Variants in TUT1 observed in about 807,000 individuals in gnomAD.
TUT1 encodes the protein speckle targeted PIP5K1A-regulated poly(A) polymerase.
TUT1 carries 26 observed loss-of-function variants against 48.8 expected under a neutral mutation model. The ratio of observed to expected loss-of-function variants is 0.53; its 90% CI spans 0.39 to 0.74. The LOEUF is 0.74. TUT1 is among the 30% of genes least tolerant of loss of function. The probability of loss-of-function intolerance (pLI) is 0.00; values close to 1 mark genes in which losing one functional copy is unlikely to be tolerated. For missense variants in TUT1, 1,065 were observed against 1,114.8 expected, an observed-to-expected ratio of 0.96 and a Z score of 0.64; for synonymous variants, 470 against 460.8, an observed-to-expected ratio of 1.02 and a Z score of -0.26.
chr11:62,587,092 CAAAA>C (rs202002182), intron 2 of TUT1, among the ~76,000 whole-genome samples: 2 of 108,310 alleles, frequency 1.8e-5, no homozygotes, highest in South Asian at 3.4e-4. Context: ...AACTCCCTCT[CAAAA>C]AAAAAAAAAA....
Position 62,575,964 on chromosome 11 carries a change from C to G in TUT1, c.1755G>C (p.Arg585=), listed in dbSNP as rs1013849196. The change falls in exon 9 of 9, where the codon CGG becomes CGC. Residue 585 remains arginine, a synonymous_variant. Coordinates refer to ENST00000476907, the MANE Select transcript of TUT1 (RefSeq NM_022830.3). ...GAGGGAGCAGCCCCCAGTCCCGACC[C>G]CGGGAGGAACGGCGCTGGTACTGGA... ...RSLQYQRRSS[R]GRDWGLLPLL... 6.2e-7 allele frequency: 1 copy of G among 1,614,066 alleles called. No individual in the cohort carries two copies. Among genetic ancestry groups the G allele is most frequent in the Non-Finnish European group, 8.5e-7 (1 of 1,180,020 alleles).
chr11:62,576,325 T>C (rs1398631958), intron 8 of TUT1, 81 bp from the exon 9 acceptor site: 6 of 1,428,598 alleles, frequency 4.2e-6, no homozygotes, highest in Non-Finnish European at 5.5e-6. Flanking sequence ...AGCCATTTCC[T>C]TAGCAGGACT....
intron 2 of TUT1, among the ~76,000 whole-genome samples, chr11:62,585,604 G>A (rs1262661898): frequency 2.0e-5 from 3 of 152,224 alleles, no homozygotes; most frequent in East Asian, 1.9e-4. Flanking sequence ...GGCTGAGGCG[G>A]ACAGATCATG....
In TUT1 at chr11:62,576,988, G is replaced by A; in HGVS notation, c.1300C>T (p.Leu434=). The A allele has an allele frequency of 6.2e-7, 1 of 1,614,128 alleles. No individual in the cohort carries two copies. The highest frequency in any genetic ancestry group is 8.5e-7 in the Non-Finnish European group (1 of 1,180,020). ...GSGPLLSNYA[L]TLLVIYFLQT... ...AGAAAATAGATCACCAGCAAGGTCA[G>A]GGCGTAGTTACTGAGAAGGGGGCCA... The change falls in exon 7 of 9, where the codon CTG becomes TTG. Residue 434 remains leucine (L), a synonymous_variant. Coordinates refer to ENST00000476907, the MANE Select transcript of TUT1 (RefSeq NM_022830.3).
At chr11:62,590,519 C>A (rs1378374623) in intron 1 of TUT1, among the ~76,000 whole-genome samples, 1 of 152,054 alleles carries the variant, frequency 6.6e-6, no homozygotes, top group Non-Finnish European at 1.5e-5. Context: ...TGCCTGTAGT[C>A]CCGGCTACAC....
intron 2 of TUT1, among the ~76,000 whole-genome samples, chr11:62,586,736 T>C (rs1262191856): frequency 2.0e-5 from 3 of 151,756 alleles, no homozygotes; most frequent in Middle Eastern, 3.4e-3. Context: ...GCGAACATGG[T>C]GAAACCTGGT....
chr11:62,581,571 GC>G lies in TUT1; in HGVS notation c.403del (p.Ala135ProfsTer19). ...PREQKEFQSP[A>X]SKSPKGAAPD... ...GGCCGCTCCTTTGGGGGATTTGGAG[GC>G]CGGGCTCTGGAACTCCTTCTGCTCC... On this transcript the variant is annotated frameshift_variant, in exon 3 of 9. Transcript: ENST00000476907. LOFTEE classifies it high-confidence loss of function. 3.7e-6 allele frequency: 6 copies of G among 1,611,410 alleles called. No individual in the cohort carries two copies. Among genetic ancestry groups the G allele is most frequent in the Non-Finnish European group, 5.1e-6 (6 of 1,178,532 alleles).
chr11:62,583,060 G>A (rs772390515), intron 2 of TUT1, among the ~76,000 whole-genome samples: 33 of 150,940 alleles, frequency 2.2e-4, no homozygotes, highest in Non-Finnish European at 4.7e-4. Context: ...CCCAGGAGGC[G>A]GAGCTTGCAG....
chr11:62,576,802 G>A, intron 7 of TUT1, 53 bp from the exon 8 acceptor site: 1 of 1,600,470 alleles, frequency 6.2e-7, no homozygotes, highest in Non-Finnish European at 8.6e-7. Context: ...GATTGAGGGT[G>A]GGGGTAGAGA....
Position 62,575,701 on chromosome 11 carries a change from C to T in TUT1, c.2018G>A (p.Gly673Glu), listed in dbSNP as rs1565264836. The T allele has an allele frequency of 6.2e-7, 1 of 1,614,200 alleles. No individual in the cohort carries two copies. The highest frequency in any genetic ancestry group is 1.7e-5 in the Admixed American group (1 of 60,026). Residue 673 changes from glycine to glutamate, a missense_variant, in exon 9 of 9, where the codon GGG becomes GAG. Transcript: ENST00000476907. ...VDGQKNCCEE[G>E]KEEQQGCAGD... ...TGCACATCCCTGCTGCTCCTCTTTC[C>T]CCTCCTCACAGCAGTTTTTCTGTCC...
rs1406311495 is a variant in TUT1, at chr11:62,575,436, G to A, written c.2283C>T (p.Pro761=). 11 of 1,611,238 alleles carry A rather than the reference G, an allele frequency of 6.8e-6. No individual in the cohort carries two copies. Among genetic ancestry groups the A allele is most frequent in the Non-Finnish European group, 9.3e-6 (11 of 1,179,990 alleles). ...QGEAGKGASL[P]SSASWRCALW... is the part of the protein sequence containing the mutation. ...AGGCACAGCGCCAGCTCGCTGAGGAGGGCAGGGATGCCCCCTTCCCTGCCT... is the reference window on the plus strand; with the variant it reads ...AGGCACAGCGCCAGCTCGCTGAGGAAGGCAGGGATGCCCCCTTCCCTGCCT... Residue 761 remains proline, a synonymous_variant, in exon 9 of 9, where the codon CCC becomes CCT. Transcript: ENST00000476907.
In TUT1 at chr11:62,581,371, G is replaced by C. The variant is rs777545442; in HGVS notation, c.589+15C>G. The C allele has an allele frequency of 6.3e-7, 1 of 1,588,198 alleles. No homozygotes were observed. The highest frequency in any genetic ancestry group is 8.6e-7 in the Non-Finnish European group (1 of 1,167,770). ...GGCCAGGGAGGGCTCAGACATAGTAGGGGAGGTAACTTACCAGGGAAGAAC... is the reference window on the plus strand; with the variant it reads ...GGCCAGGGAGGGCTCAGACATAGTACGGGAGGTAACTTACCAGGGAAGAAC... On this transcript the variant is annotated intron_variant, in intron 3 of 8. Transcript: ENST00000476907.
Position 62,575,335 on chromosome 11 carries a change from C to T in TUT1, c.2384G>A (p.Gly795Asp), listed in dbSNP as rs771548950. The T allele has an allele frequency of 6.2e-7, 1 of 1,614,124 alleles. No individual in the cohort carries two copies. Among genetic ancestry groups the T allele is most frequent in the Admixed American group, 1.7e-5 (1 of 60,030 alleles). Residue 795 changes from glycine (G) to aspartate (D), a missense_variant, in exon 9 of 9, where the codon GGT becomes GAT. Transcript: ENST00000476907. ...LQQQTKEGAG[G>D]GAGTRAGWLA... ...CCACCCTGCTCTTGTGCCAGCGCCA[C>T]CTCCAGCTCCCTCCTTGGTTTGCTG... is the stretch of plus-strand genomic sequence containing the variant.
intron 2 of TUT1, among the ~76,000 whole-genome samples, chr11:62,583,239 A>G (rs772873193): frequency 3.3e-5 from 5 of 152,142 alleles, no homozygotes; most frequent in Non-Finnish European, 7.4e-5. Context: ...TAACAGCAAT[A>G]TAACAACTAT....
chr11:62,590,454 G>A (rs182444441), intron 1 of TUT1, among the ~76,000 whole-genome samples: 146 of 152,146 alleles, frequency 9.6e-4, no homozygotes, highest in Middle Eastern at 3.4e-3. Flanking sequence ...GACTAACATG[G>A]TGAAACCTCG....
Position 62,577,258 on chromosome 11 carries a change from G to A in TUT1, c.1194C>T (p.Leu398=), listed in dbSNP as rs772191108. The A allele has an allele frequency of 1.2e-6, 2 of 1,612,892 alleles. No individual in the cohort carries two copies. Among genetic ancestry groups the A allele is most frequent in the South Asian group, 1.1e-5 (1 of 90,982 alleles). ...GGACTCGACCATCCAGCTCAGAGCA[G>A]AGACTCAGGAAACGGGAGTTATGCA... is the stretch of plus-strand genomic sequence containing the variant. ...LALHNSRFLS[L]CSELDGRVRP... The change falls in exon 6 of 9, where the codon CTC becomes CTT. Residue 398 remains leucine, a synonymous_variant. Transcript: ENST00000476907.
At position 62,581,571 on chromosome 11, in the gene TUT1, G is replaced by C. The variant is rs748199020; in HGVS notation, c.404C>G (p.Ala135Gly). Reference sequence around the variant, plus strand: ...GGCCGCTCCTTTGGGGGATTTGGAGGCCGGGCTCTGGAACTCCTTCTGCTC... The same window carrying C: ...GGCCGCTCCTTTGGGGGATTTGGAGCCCGGGCTCTGGAACTCCTTCTGCTC... ...PREQKEFQSP[A>G]SKSPKGAAPD... is the part of the protein sequence containing the mutation. The change falls in exon 3 of 9, where the codon GCC becomes GGC. Residue 135 changes from alanine (A) to glycine (G), a missense_variant. Ala to Gly is a moderately conservative substitution (Grantham distance 60). Transcript: ENST00000476907. The C allele has an allele frequency of 4.3e-5, 70 of 1,611,292 alleles. No homozygotes were observed. The highest frequency in any genetic ancestry group is 5.7e-5 in the Non-Finnish European group (67 of 1,178,540).
At position 62,577,539 on chromosome 11, in the gene TUT1, C is replaced by T. The variant is rs370410810; in HGVS notation, c.1161-248G>A. On this transcript the variant is annotated intron_variant, in intron 5 of 8. Transcript: ENST00000476907. ...TATAAGACTGTTCATGAGCCATGGT[C>T]ACACCACTGCACTCCAGCCTGGGTG... 3.3e-5 allele frequency among the ~76,000 whole-genome samples: 5 copies of T among 149,602 alleles called. No homozygotes were observed. The East Asian group carries it at 9.8e-4, about 29-fold the overall frequency.
At position 62,575,604 on chromosome 11, in the gene TUT1, C is replaced by T. The variant is rs1283753032; in HGVS notation, c.2115G>A (p.Met705Ile). Reference sequence around the variant, plus strand: ...GGTCCCCTGGCTGCCCAGGGCTCTGCATGGCCCAGTCCTGCACCATCTCTC... The same window carrying T: ...GGTCCCCTGGCTGCCCAGGGCTCTGTATGGCCCAGTCCTGCACCATCTCTC... ...EVGEMVQDWA[M>I]QSPGQPGDLP... The change falls in exon 9 of 9, where the codon ATG becomes ATA. Residue 705 changes from methionine to isoleucine, a missense_variant. Transcript: ENST00000476907. 1.9e-6 allele frequency: 3 copies of T among 1,614,066 alleles called. No individual in the cohort carries two copies. The highest frequency in any genetic ancestry group is 8.5e-7 in the Non-Finnish European group (1 of 1,180,030).
Sources: allele counts gnomAD v4.1 joint callset (sites outside exome capture counted in the v4.1 genomes callset), GRCh38; gene constraint gnomAD v4.1.1; transcripts MANE v1.5; gene names NCBI Gene and HGNC (gene_info 2026-07-23, HGNC 2026-07-21).